The following ALPK3 variants were observed in gnomAD, a reference collection of about 807,000 sequenced individuals.
ALPK3 encodes alpha kinase 3, also known as alpha-protein kinase 3.
A neutral mutation model predicts 140.0 loss-of-function variants in ALPK3; 102 were observed. The observed-to-expected ratio is 0.73, with a 90% confidence interval of 0.62 to 0.86. The LOEUF (loss-of-function observed/expected upper bound fraction) is 0.86. ALPK3 is among the 40% of genes least tolerant of loss of function. ALPK3 has a pLI of 0.00. For synonymous variants in ALPK3, 938 were observed against 898.5 expected (o/e 1.04, Z -0.79); for missense variants, 2,254 against 2,208.2 (o/e 1.02, Z -0.42).
At chr15:84,834,338 G>A (rs142768105) in intron 3 of ALPK3, among the ~76,000 whole-genome samples, 17 of 152,264 alleles carry the variant, frequency 1.1e-4, no homozygotes, top group African/African-American at 4.1e-4. Context: ...TTGAATTCTG[G>A]CTCTCTACTT....
At chr15:84,820,778 G>A (rs576655550) in intron 1 of ALPK3, among the ~76,000 whole-genome samples, 9 of 152,158 alleles carry the variant, frequency 5.9e-5, no homozygotes, top group East Asian at 3.9e-4. Flanking sequence ...CACCATGCCC[G>A]GTTTAGATTT....
At chr15:84,817,706 C>T (rs1963377372) in intron 1 of ALPK3, 111 bp downstream of exon 1, 2 of 1,288,068 alleles carry the variant, frequency 1.6e-6, no homozygotes, top group Non-Finnish European at 2.0e-6. Context: ...GCCCTCGAGC[C>T]CTCTCAGCCC....
At position 84,840,329 on chromosome 15, in the gene ALPK3, C is replaced by G. The variant is rs771019220; in HGVS notation, c.1050C>G (p.Asp350Glu). The change falls in exon 5 of 14, where the codon GAC (aspartate) becomes GAG (glutamate). Residue 350 changes from aspartate (D) to glutamate (E), a missense_variant. Around this residue, in one of 3 missense-constraint regions of ALPK3, gnomAD observed 2,088 missense variants for 2,022.9 expected, o/e 1.03. Transcript: ENST00000258888. ...CAGAAAACTGCATCCCCAGCTCAGA[C>G]GAGCCTGACTCCTGTGGGACTCAGG... ...RSSENCIPSS[D>E]EPDSCGTQGP... 6.2e-7 allele frequency: 1 copy of G among 1,613,966 alleles called. No individual in the cohort carries two copies. Among genetic ancestry groups the G allele is most frequent in the Non-Finnish European group, 8.5e-7 (1 of 1,179,960 alleles).
chr15:84,835,152 G>C (rs540754874), intron 3 of ALPK3, among the ~76,000 whole-genome samples: 1 of 152,340 alleles, frequency 6.6e-6, no homozygotes, highest in African/African-American at 2.4e-5. Flanking sequence ...AGGTCATGGG[G>C]CAGGGAGGCT....
rs780181962 is a variant in ALPK3, at chr15:84,857,995, A to G, written c.3257A>G (p.Glu1086Gly). Residue 1086 changes from glutamate (E) to glycine (G), a missense_variant, in exon 6 of 14, where the codon GAA (glutamate) becomes GGA (glycine). Glu to Gly is a moderately conservative substitution (Grantham distance 98). This residue lies in a region of ALPK3 where 2,088 missense variants were observed against 2,022.9 expected (regional missense o/e 1.03). Transcript: ENST00000258888. ...GAGGAGGACCCTGGGCTGGCCTCAG[A>G]AGGAGCCAGTGAGGGTGAAGGAGAG... is the stretch of plus-strand genomic sequence containing the variant. ...VDEEDPGLAS[E>G]GASEGEGEVS... 6.3e-7 allele frequency: 1 copy of G among 1,599,798 alleles called. No individual in the cohort carries two copies. The highest frequency in any genetic ancestry group is 1.1e-5 in the South Asian group (1 of 88,966).
rs756294948 is a variant in ALPK3, at chr15:84,863,611, G to A, written c.4470G>A (p.Arg1490=). The change falls in exon 11 of 14, where the codon CGG becomes CGA. Residue 1490 remains arginine (R), a synonymous_variant. Transcript: ENST00000258888. The part of the protein sequence containing the change: ...EYCKIFAAEA[R]AAPGFGEVPE... Reference sequence around the variant, plus strand: ...GCAAAATCTTCGCAGCAGAAGCCCGGGCCGCGCCTGGCTTTGGGGAGGTGC... The same window carrying A: ...GCAAAATCTTCGCAGCAGAAGCCCGAGCCGCGCCTGGCTTTGGGGAGGTGC... 3 of 1,613,950 alleles carry A rather than the reference G, an allele frequency of 1.9e-6. No individual in the cohort carries two copies. The highest frequency in any genetic ancestry group is 1.7e-6 in the Non-Finnish European group (2 of 1,179,994).
In ALPK3 at chr15:84,821,993, G is replaced by C. The variant is rs372784787; in HGVS notation, c.144-1337G>C. Among the ~76,000 whole-genome samples the C allele has an allele frequency of 9.9e-5, 15 of 152,164 alleles. 1 individual carries two copies. Among genetic ancestry groups the C allele is most frequent in the African/African-American group, 3.1e-4 (13 of 41,422 alleles). The stretch of plus-strand genomic sequence containing the variant: ...GAGCATTGGGAAGTAGAGGGAATCT[G>C]GTTGCAGCGGGAGTGTGAGTAGATC... On this transcript the variant is annotated intron_variant, in intron 1 of 13. Coordinates refer to ENST00000258888, the MANE Select transcript of ALPK3 (RefSeq NM_020778.5).
At chr15:84,830,119 C>T (rs1372039022) in intron 3 of ALPK3, among the ~76,000 whole-genome samples, 2 of 151,704 alleles carry the variant, frequency 1.3e-5, no homozygotes, top group Non-Finnish European at 2.9e-5. Flanking sequence ...TCATTTGTTT[C>T]TTTTTTTTGT....
chr15:84,825,717 G>A (rs936661956), intron 2 of ALPK3, among the ~76,000 whole-genome samples: 4 of 152,182 alleles, frequency 2.6e-5, no homozygotes, highest in African/African-American at 9.7e-5. Flanking sequence ...CATGGAAGTA[G>A]GATTATGTTT....
At position 84,860,050 on chromosome 15, in the gene ALPK3, C is replaced by T; in HGVS notation, c.4107C>T (p.Phe1369=). The change falls in exon 9 of 14, where the codon TTC becomes TTT. Residue 1369 remains phenylalanine (F), a synonymous_variant. Transcript: ENST00000258888. ...TTCTGTATCTAGTGTTGTCAGGATT[C>T]ATCTCCAGAGAAGAAGGTGAAGGTA... ...FCLSPEVLSG[F]ISREEGEVGE... 1 of 1,614,136 alleles carries T rather than the reference C, an allele frequency of 6.2e-7. No homozygotes were observed. The highest frequency in any genetic ancestry group is 8.5e-7 in the Non-Finnish European group (1 of 1,180,028).
intron 5 of ALPK3, among the ~76,000 whole-genome samples, chr15:84,845,688 C>G (rs927448164): frequency 6.6e-6 from 1 of 152,094 alleles, no homozygotes; most frequent in African/African-American, 2.4e-5. Context: ...TAAAAAACTT[C>G]GAGAATAAAA....
rs1222913903 is a variant in ALPK3 at position 84,857,781 on chromosome 15, C to T, written c.3043C>T (p.Leu1015=). ...TAGTCCCCGGACATCGAGGCGCATCCTGGAGCGTGTGGAGAACAACCACCT... is the reference window on the plus strand; with the variant it reads ...TAGTCCCCGGACATCGAGGCGCATCTTGGAGCGTGTGGAGAACAACCACCT... ...GLSPRTSRRI[L]ERVENNHLVQ... is the part of the protein sequence containing the mutation. The change falls in exon 6 of 14, where the codon CTG becomes TTG. Residue 1015 remains leucine, a synonymous_variant. Coordinates refer to ENST00000258888, the MANE Select transcript of ALPK3 (RefSeq NM_020778.5). 2.5e-6 allele frequency: 4 copies of T among 1,612,404 alleles called. No individual in the cohort carries two copies. Among genetic ancestry groups the T allele is most frequent in the Admixed American group, 1.7e-5 (1 of 59,954 alleles).
chr15:84,862,958 C>T, intron 10 of ALPK3, 43 bp downstream of exon 10: 2 of 1,585,584 alleles, frequency 1.3e-6, no homozygotes, highest in African/African-American at 1.3e-5. Flanking sequence ...TATTCTCTCA[C>T]CCCCTCCCCT....
In ALPK3 at chr15:84,839,776, TC is replaced by T. The variant is rs1231310817; in HGVS notation, c.499del (p.Leu167TrpfsTer6). 1 of 1,613,242 alleles carries T rather than the reference TC, an allele frequency of 6.2e-7. No homozygotes were observed. The highest frequency in any genetic ancestry group is 8.5e-7 in the Non-Finnish European group (1 of 1,179,852). On this transcript the variant is annotated frameshift_variant, in exon 5 of 14. Transcript: ENST00000258888. LOFTEE classifies it high-confidence loss of function. ...AAGGGCATTGTGTCCTGCTCAGGGGTCCTGGAGGTGGGCACCATGACTGAGT... is the reference window on the plus strand; with the variant it reads ...AAGGGCATTGTGTCCTGCTCAGGGGTCTGGAGGTGGGCACCATGACTGAGT... ...NSKGIVSCSG[V>X]LEVGTMTEYK...
chr15:84,864,966 C>T (rs1963987539), intron 12 of ALPK3, among the ~76,000 whole-genome samples: 1 of 152,024 alleles, frequency 6.6e-6, no homozygotes, highest in African/African-American at 2.4e-5. Flanking sequence ...AATTCAAAAC[C>T]CACAACCACC....
rs1963860384 is a variant in ALPK3 at position 84,856,388 on chromosome 15, TC to T, written c.1654-3del. ...AATCCTTGCTTTTGTCCCTCTGTTT[TC>T]AGGTCCTGGAATGCCAGACAACCAC... On this transcript the variant is annotated splice_region_variant and splice_polypyrimidine_tract_variant and intron_variant, in intron 5 of 13. Transcript: ENST00000258888. 6.3e-7 allele frequency: 1 copy of T among 1,582,660 alleles called. No homozygotes were observed. Among genetic ancestry groups the T allele is most frequent in the African/African-American group, 1.4e-5 (1 of 73,540 alleles).
In ALPK3 at chr15:84,840,545, C is replaced by T. The variant is rs528843595; in HGVS notation, c.1266C>T (p.Asn422=). The T allele has an allele frequency of 1.7e-5, 28 of 1,600,794 alleles. No individual in the cohort carries two copies. The South Asian group carries it at 2.8e-4, about 16-fold the overall frequency. Residue 422 remains asparagine (N), a synonymous_variant, in exon 5 of 14, where the codon AAC becomes AAT. Coordinates refer to ENST00000258888, the MANE Select transcript of ALPK3 (RefSeq NM_020778.5). ...YFSLKDMYLE[N]TQAVRPLGEE... ...CCTTGAAGGACATGTACCTGGAGAA[C>T]ACCCAGGCAGTCAGGCCTCTTGGGG... is the stretch of plus-strand genomic sequence containing the variant.
At chr15:84,856,357 T>C in intron 5 of ALPK3, 35 bp from the exon 6 acceptor site, 1 of 1,552,236 alleles carries the variant, frequency 6.4e-7, no homozygotes, top group African/African-American at 1.4e-5. Flanking sequence ...AATGTCCATG[T>C]AGTTAAATCC....
At chr15:84,846,670 G>A (rs1963734662) in intron 5 of ALPK3, among the ~76,000 whole-genome samples, 1 of 152,158 alleles carries the variant, frequency 6.6e-6, no homozygotes, top group Admixed American at 6.5e-5. Context: ...TGGACAAAGG[G>A]AGACCCTGTC....
Sources: allele counts gnomAD v4.1 joint callset (sites outside exome capture counted in the v4.1 genomes callset), GRCh38; gene constraint gnomAD v4.1.1; regional missense constraint gnomAD v4.1.1; transcripts MANE v1.5; gene names NCBI Gene and HGNC (gene_info 2026-07-23, HGNC 2026-07-21).